Variants in PAM observed in about 807,000 individuals in gnomAD.
PAM encodes peptidylglycine alpha-amidating monooxygenase.
A neutral mutation model predicts 122.1 loss-of-function variants in PAM; 72 were observed. The ratio of observed to expected loss-of-function variants is 0.59; its 90% CI spans 0.49 to 0.72. The LOEUF is 0.72. Among genes scored for constraint, PAM ranks in the 30% least tolerant of loss-of-function variants. The probability of loss-of-function intolerance (pLI) is 0.00; values close to 1 mark genes in which losing one functional copy is unlikely to be tolerated. For synonymous variants in PAM, 389 were observed against 404.4 expected, an observed-to-expected ratio of 0.96 and a Z score of 0.46; for missense variants, 1,106 against 1,183.7, an observed-to-expected ratio of 0.93 and a Z score of 0.96.
At chr5:102,939,588 A>G (rs1260019431) in intron 7 of PAM, among the ~76,000 whole-genome samples, 1 of 152,108 alleles carries the variant, frequency 6.6e-6, no homozygotes, top group East Asian at 1.9e-4. Context: ...CATAGTAATC[A>G]TACTTAGCAT....
At chr5:103,002,593 A>G (rs1777732538) in intron 16 of PAM, among the ~76,000 whole-genome samples, 1 of 152,188 alleles carries the variant, frequency 6.6e-6, no homozygotes, top group Admixed American at 6.5e-5. Flanking sequence ...AGCTATTATT[A>G]TAATTAATGA....
At chr5:103,025,035 T>C in intron 23 of PAM, 96 bp from the exon 24 acceptor site, 2 of 812,796 alleles carry the variant, frequency 2.5e-6, no homozygotes, top group Non-Finnish European at 4.0e-6. Context: ...AACAAGTTCT[T>C]TGTGAACAGT....
chr5:102,950,771 G>T lies in PAM; in HGVS notation c.856G>T (p.Ala286Ser). The change falls in exon 12 of 26, where the codon GCA (alanine) becomes TCA (serine). Residue 286 changes from alanine to serine, a missense_variant. This residue lies in a region of PAM where 670 missense variants were observed against 690.3 expected (regional missense o/e 0.97). Transcript: ENST00000438793. ...VDVSFGDLLA[A>S]RCVFTGEGRT... ...TGTAAGTTTTGGTGACCTACTGGCTGCAAGATGTGTATTCACTGGTGAAGG... is the reference window on the plus strand; with the variant it reads ...TGTAAGTTTTGGTGACCTACTGGCTTCAAGATGTGTATTCACTGGTGAAGG... The T allele has an allele frequency of 6.2e-7, 1 of 1,612,026 alleles. No homozygotes were observed. The highest frequency in any genetic ancestry group is 8.5e-7 in the Non-Finnish European group (1 of 1,178,426).
chr5:102,770,402 C>T (rs1018701482), intron 1 of PAM, among the ~76,000 whole-genome samples: 4 of 152,074 alleles, frequency 2.6e-5, no homozygotes, highest in East Asian at 1.9e-4. Flanking sequence ...TCCAGTACTG[C>T]GTTGAATAAC....
chr5:102,768,279 T>C (rs954872248), intron 1 of PAM, among the ~76,000 whole-genome samples: 5 of 152,168 alleles, frequency 3.3e-5, no homozygotes, highest in African/African-American at 1.2e-4. Context: ...GATACAGGCA[T>C]ACCATATGTA....
intron 1 of PAM, among the ~76,000 whole-genome samples, chr5:102,802,704 C>G (rs1765098511): frequency 6.6e-6 from 1 of 152,140 alleles, no homozygotes; most frequent in South Asian, 2.1e-4. Context: ...CAACACTGTT[C>G]CAGAATACAG....
rs112065988 is a variant in PAM, at chr5:102,890,811, A to G, written c.211-10545A>G. Among the ~76,000 whole-genome samples the G allele has an allele frequency of 2.5e-3, 378 of 152,044 alleles. 3 individuals carry two copies. Among genetic ancestry groups the G allele is most frequent in the African/African-American group, 8.4e-3 (351 of 41,540 alleles). On this transcript the variant is annotated intron_variant, in intron 3 of 25. Transcript: ENST00000438793. ...ACTAAAATGTAGTATTTATGTTTCTAATGTAAAATTAACTTATGACAGGTA... is the reference window on the plus strand; with the variant it reads ...ACTAAAATGTAGTATTTATGTTTCTGATGTAAAATTAACTTATGACAGGTA...
chr5:102,797,370 A>G (rs1763642641), intron 1 of PAM, among the ~76,000 whole-genome samples: 1 of 152,178 alleles, frequency 6.6e-6, no homozygotes, highest in Non-Finnish European at 1.5e-5. Flanking sequence ...TGGTGAGTGT[A>G]TTTCTGAGCC....
At chr5:102,758,049 A>G (rs1437851205) in intron 1 of PAM, among the ~76,000 whole-genome samples, 1 of 142,456 alleles carries the variant, frequency 7.0e-6, no homozygotes, top group Non-Finnish European at 1.5e-5. Flanking sequence ...CTCAAAAAAA[A>G]AAAAAAAAAA....
At chr5:102,775,464 A>G (rs1420346064) in intron 1 of PAM, among the ~76,000 whole-genome samples, 1 of 152,072 alleles carries the variant, frequency 6.6e-6, no homozygotes, top group Non-Finnish European at 1.5e-5. Context: ...CCCCACATGC[A>G]TTAGCTATTT....
intron 1 of PAM, among the ~76,000 whole-genome samples, chr5:102,779,947 T>G (rs1758272269): frequency 8.2e-6 from 1 of 121,410 alleles, no homozygotes; most frequent in African/African-American, 3.1e-5. Context: ...ATATATCTCC[T>G]AATAGTTCTG....
chr5:102,865,881 G>C lies in PAM; in HGVS notation c.-315G>C. 3.1e-6 allele frequency: 1 copy of C among 317,692 alleles called. No individual in the cohort carries two copies. The highest frequency in any genetic ancestry group is 5.7e-6 in the Non-Finnish European group (1 of 176,044). The allele number at this position is 317,692 out of a possible 1,614,324, so 19.7% of individuals were successfully genotyped here. On this transcript the variant is annotated 5_prime_UTR_variant, in exon 2 of 26. Coordinates refer to ENST00000438793, the MANE Select transcript of PAM (RefSeq NM_001177306.2). ...TACCCCTCACAGCCCCTGTCATTCC[G>C]GAGTCATAAGGCACCCGCGCGTCTA...
intron 5 of PAM, among the ~76,000 whole-genome samples, chr5:102,923,037 C>T (rs955488257): frequency 6.6e-6 from 1 of 152,148 alleles, no homozygotes; most frequent in Non-Finnish European, 1.5e-5. Context: ...CAGGAAGAAA[C>T]CACTAGTTGA....
chr5:103,010,576 G>A (rs1231752907), intron 21 of PAM, among the ~76,000 whole-genome samples: 1 of 152,080 alleles, frequency 6.6e-6, no homozygotes, highest in Admixed American at 6.6e-5. Flanking sequence ...AATTCAGCCT[G>A]CTAAAATGCT....
At chr5:102,836,859 C>CGACAGA (rs1777195394) in intron 1 of PAM, among the ~76,000 whole-genome samples, 1 of 120,786 alleles carries the variant, frequency 8.3e-6, no homozygotes, top group Non-Finnish European at 1.7e-5. Flanking sequence ...AGAAAGAAAC[C>CGACAGA]GAGAGAGAGA....
chr5:102,789,776 G>A (rs1457538041), intron 1 of PAM, among the ~76,000 whole-genome samples: 5 of 152,160 alleles, frequency 3.3e-5, no homozygotes, highest in African/African-American at 1.2e-4. Context: ...CCTAAAAATG[G>A]TTAAAGTGGC....
intron 1 of PAM, among the ~76,000 whole-genome samples, chr5:102,811,530 G>A (rs764810285): frequency 3.9e-5 from 6 of 152,046 alleles, no homozygotes; most frequent in Non-Finnish European, 7.4e-5. Flanking sequence ...GACTCTCCCC[G>A]TTTTAAGACC....
At chr5:102,900,246 TG>T (rs1797331432) in intron 3 of PAM, among the ~76,000 whole-genome samples, 1 of 23,210 alleles carries the variant, frequency 4.3e-5, no homozygotes, top group South Asian at 1.6e-3. Context: ...TCTCTTAATG[TG>T]TGTGTGTGGG....
intron 16 of PAM, among the ~76,000 whole-genome samples, chr5:102,997,357 C>CA (rs1267807295): frequency 6.6e-6 from 1 of 151,866 alleles, no homozygotes; most frequent in African/African-American, 2.4e-5. Context: ...CCCATCTCAA[C>CA]AAAAAATAAA....
Sources: allele counts gnomAD v4.1 joint callset (sites outside exome capture counted in the v4.1 genomes callset), GRCh38; gene constraint gnomAD v4.1.1; regional missense constraint gnomAD v4.1.1; transcripts MANE v1.5; gene names NCBI Gene and HGNC (gene_info 2026-07-23, HGNC 2026-07-21).